Variants in ERC1 observed in about 807,000 individuals in gnomAD.
ERC1 encodes the protein ELKS/RAB6-interacting/CAST family member 1.
In ERC1, 56 loss-of-function variants were observed where a neutral mutation model predicts 132.0. The observed-to-expected ratio is 0.42, with a 90% CI of 0.34 to 0.53. ERC1 has a LOEUF of 0.53. Ranked by LOEUF, ERC1 falls within the 20% of genes least tolerant of loss-of-function variation. The pLI is 0.03. For synonymous variants in ERC1, 478 were observed against 476.1 expected (o/e 1.00, Z -0.05); for missense variants, 1,202 against 1,349.9 (o/e 0.89, Z 1.72).
chr12:1,356,785 G>A (rs980289783), intron 15 of ERC1, among the ~76,000 whole-genome samples: 15 of 152,202 alleles, frequency 9.9e-5, no homozygotes, highest in African/African-American at 3.1e-4. Context: ...TCTACCTGAT[G>A]CAGGCATAGT....
intron 15 of ERC1, among the ~76,000 whole-genome samples, chr12:1,346,948 C>CAAAAAAA (rs58842053): frequency 8.5e-5 from 9 of 106,076 alleles, no homozygotes; most frequent in African/African-American, 2.7e-4. Flanking sequence ...GACTCCGTCT[C>CAAAAAAA]AAAAAAAAAA....
At chr12:1,223,242 A>G (rs1036362804) in intron 12 of ERC1, among the ~76,000 whole-genome samples, 2 of 152,192 alleles carry the variant, frequency 1.3e-5, no homozygotes, top group African/African-American at 2.4e-5. Flanking sequence ...TTAAAGTGGT[A>G]TGGGAGTTAG....
intron 15 of ERC1, among the ~76,000 whole-genome samples, chr12:1,345,830 C>A (rs2084397580): frequency 6.6e-6 from 1 of 152,162 alleles, no homozygotes; most frequent in Non-Finnish European, 1.5e-5. Flanking sequence ...TTTATCTTCA[C>A]TTGACTATTT....
chr12:1,002,987 A>G (rs1414786367), intron 1 of ERC1, among the ~76,000 whole-genome samples: 1 of 150,696 alleles, frequency 6.6e-6, no homozygotes, highest in Non-Finnish European at 1.5e-5. Context: ...ACCGTGGCTC[A>G]TGCCTGTAAT....
intron 16 of ERC1, among the ~76,000 whole-genome samples, chr12:1,374,273 C>T (rs951768394): frequency 1.3e-5 from 2 of 152,152 alleles, no homozygotes; most frequent in Admixed American, 6.5e-5. Context: ...AGGCTCTTGG[C>T]GTTCACATGT....
Position 1,074,309 on chromosome 12 carries a change from C to T in ERC1, c.670-8855C>T, listed in dbSNP as rs1198823583. Among the ~76,000 whole-genome samples, 3 of 151,744 alleles carry T rather than the reference C, an allele frequency of 2.0e-5. No homozygotes were observed. In the South Asian group the frequency reaches 6.2e-4, roughly 32 times the overall value. Reference sequence around the variant, plus strand: ...ATTTTGATAGTGTTTTCATTTATTCCTTTTTCTTTTTTTTCCGAGACAGAG... The same window carrying T: ...ATTTTGATAGTGTTTTCATTTATTCTTTTTTCTTTTTTTTCCGAGACAGAG... On this transcript the variant is annotated intron_variant, in intron 2 of 18. Coordinates refer to ENST00000360905, the MANE Select transcript of ERC1 (RefSeq NM_178040.4).
chr12:1,354,719 C>T (rs527561781), intron 15 of ERC1, among the ~76,000 whole-genome samples: 20 of 152,276 alleles, frequency 1.3e-4, no homozygotes, highest in African/African-American at 4.6e-4. Context: ...AGCGCAGTGT[C>T]GGCTCACTGC....
At chr12:1,478,744 G>A (rs541083946) in intron 18 of ERC1, among the ~76,000 whole-genome samples, 1 of 151,276 alleles carries the variant, frequency 6.6e-6, no homozygotes, top group African/African-American at 2.4e-5. Flanking sequence ...AGCCAAGATC[G>A]CACCACTGCA....
intron 6 of ERC1, 93 bp downstream of exon 6, chr12:1,112,391 C>T: frequency 2.3e-6 from 2 of 869,378 alleles, no homozygotes; most frequent in Non-Finnish European, 3.8e-6. Flanking sequence ...CCCTTTCATT[C>T]TCTATGGTTG....
intron 18 of ERC1, among the ~76,000 whole-genome samples, chr12:1,485,201 C>CTTTTCTTTTT (rs2094187033): frequency 1.0e-5 from 1 of 96,392 alleles, no homozygotes; most frequent in African/African-American, 4.4e-5. Flanking sequence ...GTTTATATTT[C>CTTTTCTTTTT]TTTTTTTTTT....
intron 3 of ERC1, among the ~76,000 whole-genome samples, chr12:1,096,778 A>G (rs1944093992): frequency 6.6e-6 from 1 of 152,224 alleles, no homozygotes; most frequent in Non-Finnish European, 1.5e-5. Context: ...ATTATAAAGT[A>G]AGCACCCTCA....
At chr12:1,241,586 G>C (rs1001581100) in intron 13 of ERC1, among the ~76,000 whole-genome samples, 2 of 152,084 alleles carry the variant, frequency 1.3e-5, no homozygotes, top group East Asian at 3.9e-4. Context: ...TTCTTTAGCT[G>C]TGTGTATGTG....
At position 1,270,216 on chromosome 12, in the gene ERC1, C is replaced by CT. The variant is rs796105681; in HGVS notation, c.2619+7060dup. 1.1e-3 allele frequency among the ~76,000 whole-genome samples: 164 copies of CT among 151,126 alleles called. 1 individual carries two copies. The highest frequency in any genetic ancestry group is 3.0e-3 in the African/African-American group (122 of 41,240). On this transcript the variant is annotated intron_variant, in intron 14 of 18. Coordinates refer to ENST00000360905, the MANE Select transcript of ERC1 (RefSeq NM_178040.4). Reference sequence around the variant, plus strand: ...GAATTGATGCTGAACCCTTATCTTCCTTTTTTTTTGAGATGGAGTCTCACT... The same window carrying CT: ...GAATTGATGCTGAACCCTTATCTTCCTTTTTTTTTTGAGATGGAGTCTCACT...
chr12:1,319,779 G>C (rs1039751183), intron 15 of ERC1, among the ~76,000 whole-genome samples: 6 of 152,006 alleles, frequency 3.9e-5, no homozygotes, highest in African/African-American at 1.5e-4. Context: ...AATTGTTTTG[G>C]ACCATCACAA....
At chr12:1,201,315 T>A (rs985233026) in intron 12 of ERC1, among the ~76,000 whole-genome samples, 2 of 152,216 alleles carry the variant, frequency 1.3e-5, no homozygotes, top group African/African-American at 4.8e-5. Flanking sequence ...TACTATGATG[T>A]GTCTTCTATC....
chr12:1,430,078 C>T (rs1474327802), intron 17 of ERC1, among the ~76,000 whole-genome samples: 2 of 152,168 alleles, frequency 1.3e-5, no homozygotes, highest in Non-Finnish European at 2.9e-5. Flanking sequence ...TCCAGGATTG[C>T]TCACCCACAG....
chr12:1,416,408 T>G (rs545015039), intron 17 of ERC1, among the ~76,000 whole-genome samples: 1 of 152,306 alleles, frequency 6.6e-6, no homozygotes, highest in East Asian at 1.9e-4. Flanking sequence ...AATGAGAATA[T>G]GATGTGTAGG....
At chr12:1,466,734 A>G (rs2093750958) in intron 18 of ERC1, among the ~76,000 whole-genome samples, 1 of 152,208 alleles carries the variant, frequency 6.6e-6, no homozygotes, top group African/African-American at 2.4e-5. Flanking sequence ...AGAATGCTGT[A>G]AGAAAAGCAC....
At chr12:1,426,112 T>C (rs2092629115) in intron 17 of ERC1, among the ~76,000 whole-genome samples, 1 of 151,776 alleles carries the variant, frequency 6.6e-6, no homozygotes, top group Non-Finnish European at 1.5e-5. Flanking sequence ...ATTTTTTTTT[T>C]TTTTTTTTGA....
Sources: gnomAD v4.1 joint callset for allele counts (sites outside exome capture counted in the v4.1 genomes callset) on GRCh38, gnomAD v4.1.1 for gene constraint, MANE v1.5 for transcripts, NCBI Gene and HGNC (gene_info 2026-07-23, HGNC 2026-07-21) for gene names.